Variants in AFF2 observed in about 807,000 individuals in gnomAD.
AFF2 encodes ALF transcription elongation factor 2.
Under a neutral mutation model 76.9 loss-of-function variants are expected in AFF2, and 14 were observed. That is an observed-to-expected ratio of 0.18 (90% CI 0.12 to 0.28). The LOEUF (loss-of-function observed/expected upper bound fraction) is 0.28, where lower values mean the gene tolerates loss of function less well. Ranked by LOEUF, AFF2 falls within the 10% of genes least tolerant of loss-of-function variation. The probability of loss-of-function intolerance (pLI) is 1.00; values close to 1 mark genes in which losing one functional copy is unlikely to be tolerated. For missense variants in AFF2, 868 were observed against 1,001.1 expected, an observed-to-expected ratio of 0.87 and a Z score of 1.79; for synonymous variants, 398 against 366.7, an observed-to-expected ratio of 1.09 and a Z score of -0.98.
intron 2 of AFF2, among the ~76,000 whole-genome samples, chrX:148,653,898 C>T (rs12007874): frequency 1.9e-4 from 21 of 111,281 alleles, no homozygotes; most frequent in African/African-American, 6.9e-4. Context: ...AGTGCGTTGG[C>T]TTTGAGATGC....
chrX:148,870,316 C>T (rs1415676195), intron 7 of AFF2, among the ~76,000 whole-genome samples: 8 of 112,003 alleles, frequency 7.1e-5, no homozygotes, highest in Non-Finnish European at 1.5e-4. Flanking sequence ...GCCTGCCCAA[C>T]CACTACTTGG....
rs782403351 is a variant in AFF2, at chrX:148,895,643, A to G, written c.1360-8578A>G. 3.5e-3 allele frequency among the ~76,000 whole-genome samples: 382 copies of G among 109,222 alleles called. 1 individual carries two copies. The highest frequency in any genetic ancestry group is 0.024 in the Middle Eastern group (5 of 210). The allele number at this position is 109,222 out of a possible 115,157, so 94.8% of individuals were successfully genotyped here. ...GAGAGAGAGAGAGAGATACAGAGAT[A>G]CCGAAACAAATAGAAATTCTGTGCA... On this transcript the variant is annotated intron_variant, in intron 8 of 20. Transcript: ENST00000370460.
intron 7 of AFF2, among the ~76,000 whole-genome samples, chrX:148,873,236 T>G (rs1475843150): frequency 9.1e-6 from 1 of 110,029 alleles, no homozygotes; most frequent in East Asian, 2.9e-4. Flanking sequence ...ACTGCAGGAG[T>G]TACACACCAG....
At chrX:148,977,614 GACAC>G (rs140911348) in intron 16 of AFF2, among the ~76,000 whole-genome samples, 8,267 of 92,567 alleles carry the variant, frequency 0.089, 374 homozygotes, top group African/African-American at 0.15. Context: ...CCAGCATTTA[GACAC>G]ACACACACAC....
chrX:148,923,264 G>C (rs1955205077), intron 9 of AFF2, among the ~76,000 whole-genome samples: 1 of 111,956 alleles, frequency 8.9e-6, no homozygotes, highest in South Asian at 3.7e-4. Flanking sequence ...TCTACACTAT[G>C]ATGTATATGT....
At chrX:148,538,074 C>T (rs1056315745) in intron 1 of AFF2, among the ~76,000 whole-genome samples, 2 of 112,611 alleles carry the variant, frequency 1.8e-5, no homozygotes, top group African/African-American at 6.5e-5. Flanking sequence ...ATTAGACCAA[C>T]CTTCTACGTA....
At chrX:148,814,351 T>C (rs996949446) in intron 4 of AFF2, among the ~76,000 whole-genome samples, 8 of 112,175 alleles carry the variant, frequency 7.1e-5, no homozygotes, top group African/African-American at 1.9e-4. Context: ...AGTAGTATGA[T>C]TTATTTGTTC....
At chrX:148,820,577 C>T (rs2070316355) in intron 4 of AFF2, among the ~76,000 whole-genome samples, 1 of 111,375 alleles carries the variant, frequency 9.0e-6, no homozygotes, top group African/African-American at 3.3e-5. Context: ...CAGAATATAA[C>T]ATTTTATGTA....
intron 3 of AFF2, among the ~76,000 whole-genome samples, chrX:148,676,195 G>A (rs1557259461): frequency 6.4e-5 from 7 of 109,112 alleles, no homozygotes; most frequent in Non-Finnish European, 1.9e-5. Context: ...AAGTAGCTGG[G>A]ACTACAGGCA....
At chrX:148,869,361 G>A (rs1270167381) in intron 7 of AFF2, among the ~76,000 whole-genome samples, 1 of 111,936 alleles carries the variant, frequency 8.9e-6, no homozygotes, top group Non-Finnish European at 1.9e-5. Context: ...CATTTTAAAA[G>A]ATAAATGTTA....
intron 3 of AFF2, among the ~76,000 whole-genome samples, chrX:148,755,487 T>C (rs1346014001): frequency 9.0e-6 from 1 of 111,653 alleles, no homozygotes; most frequent in African/African-American, 3.3e-5. Flanking sequence ...AATCACATGC[T>C]GTTAGGTTTT....
chrX:148,569,176 T>G (rs782590248), intron 1 of AFF2, among the ~76,000 whole-genome samples: 4 of 109,999 alleles, frequency 3.6e-5, no homozygotes, highest in South Asian at 3.9e-4. Context: ...ATCATGATGA[T>G]GAGGAGGAGG....
intron 7 of AFF2, among the ~76,000 whole-genome samples, chrX:148,867,663 G>A (rs782334440): frequency 6.3e-5 from 7 of 111,792 alleles, no homozygotes; most frequent in Non-Finnish European, 1.1e-4. Context: ...ATGTTCATTC[G>A]GCTTCTTATG....
Position 148,999,575 on chromosome X carries a change from C to T in AFF2, c.*8243C>T, listed in dbSNP as rs1287214565. On this transcript the variant is annotated 3_prime_UTR_variant, in exon 21 of 21. Coordinates refer to ENST00000370460, the MANE Select transcript of AFF2 (RefSeq NM_002025.4). Reference sequence around the variant, plus strand: ...CCATAACTGCACAAAGAGTACACATCGTCAGTGTGTGTGTGTGTGTGTGTG... The same window carrying T: ...CCATAACTGCACAAAGAGTACACATTGTCAGTGTGTGTGTGTGTGTGTGTG... 1 of 109,033 alleles carries T rather than the reference C, an allele frequency of 9.2e-6. No homozygotes were observed. Among genetic ancestry groups the T allele is most frequent in the African/African-American group, 3.4e-5 (1 of 29,270 alleles). 9.0% of individuals were successfully genotyped at this position (109,033 alleles called of 1,213,427 possible). A position where few individuals can be genotyped will look rare whatever the true frequency, so the allele number is the denominator to read the frequency against.
chrX:148,834,288 T>C (rs1557273577), intron 4 of AFF2, among the ~76,000 whole-genome samples: 1 of 112,131 alleles, frequency 8.9e-6, no homozygotes, highest in East Asian at 2.8e-4. Flanking sequence ...TTTGTTATAG[T>C]GGAAAGTGTG....
intron 9 of AFF2, among the ~76,000 whole-genome samples, chrX:148,916,196 CTTTTTTTTTTTTTT>C (rs782508166): frequency 8.8e-5 from 3 of 34,033 alleles, no homozygotes; most frequent in African/African-American, 1.2e-4. Flanking sequence ...GTGGTTTTAA[CTTTTTTTTTTTTTT>C]TTTTTTTTTT....
At chrX:148,706,495 A>G (rs1489989715) in intron 3 of AFF2, among the ~76,000 whole-genome samples, 1 of 112,526 alleles carries the variant, frequency 8.9e-6, no homozygotes, top group Admixed American at 9.4e-5. Context: ...CATTCATGGC[A>G]CACGCTTCCA....
At chrX:148,751,117 T>C (rs2055494071) in intron 3 of AFF2, among the ~76,000 whole-genome samples, 1 of 112,665 alleles carries the variant, frequency 8.9e-6, no homozygotes, top group Non-Finnish European at 1.9e-5. Flanking sequence ...CACATAAAGA[T>C]ACTCTGTTTA....
chrX:148,573,110 T>C (rs1164789694), intron 1 of AFF2, among the ~76,000 whole-genome samples: 1 of 111,757 alleles, frequency 8.9e-6, no homozygotes, highest in Admixed American at 9.6e-5. Flanking sequence ...TAAAAATTGT[T>C]AGGGAAATTA....
Sources: gnomAD v4.1 joint callset for allele counts (sites outside exome capture counted in the v4.1 genomes callset) on GRCh38, gnomAD v4.1.1 for gene constraint, MANE v1.5 for transcripts, NCBI Gene and HGNC (gene_info 2026-07-23, HGNC 2026-07-21) for gene names.